Variants in FARS2 observed in about 807,000 individuals in gnomAD.
FARS2 encodes the protein phenylalanyl-tRNA synthetase 2, mitochondrial.
FARS2 carries 40 observed loss-of-function variants against 46.4 expected under a neutral mutation model. That is an observed-to-expected ratio of 0.86 (90% CI 0.67 to 1.12). The LOEUF (loss-of-function observed/expected upper bound fraction) is 1.12, where lower values mean the gene tolerates loss of function less well. Among genes scored for constraint, FARS2 ranks in the 50% most tolerant of loss-of-function variants. The probability of loss-of-function intolerance (pLI) is 0.00; values close to 1 mark genes in which losing one functional copy is unlikely to be tolerated. For missense variants in FARS2, 513 were observed against 567.9 expected (o/e 0.90, Z 0.98); for synonymous variants, 234 against 214.9 (o/e 1.09, Z -0.78).
chr6:5,714,983 C>T (rs1759406635), intron 6 of FARS2, among the ~76,000 whole-genome samples: 1 of 151,998 alleles, frequency 6.6e-6, no homozygotes, highest in Non-Finnish European at 1.5e-5. Flanking sequence ...GGAGATCGCG[C>T]CACTGCACTC....
chr6:5,441,183 A>G (rs561108644), intron 4 of FARS2, among the ~76,000 whole-genome samples: 1 of 152,218 alleles, frequency 6.6e-6, no homozygotes, highest in East Asian at 1.9e-4. Context: ...TGGCCTCCCA[A>G]AGTGTTGGGA....
chr6:5,743,129 G>A (rs550091152), intron 6 of FARS2, among the ~76,000 whole-genome samples: 45 of 152,186 alleles, frequency 3.0e-4, no homozygotes, highest in African/African-American at 1.0e-3. Context: ...AATCCCTCCC[G>A]GCTGTCATCT....
At chr6:5,662,357 A>G (rs1777889754) in intron 6 of FARS2, among the ~76,000 whole-genome samples, 2 of 152,234 alleles carry the variant, frequency 1.3e-5, no homozygotes, top group South Asian at 2.1e-4. Flanking sequence ...AATGTAATTT[A>G]TGAAATCCAA....
At chr6:5,605,048 T>G (rs1774752103) in intron 5 of FARS2, among the ~76,000 whole-genome samples, 1 of 152,120 alleles carries the variant, frequency 6.6e-6, no homozygotes, top group South Asian at 2.1e-4. Flanking sequence ...GGAAACAGAG[T>G]CATGTCGTGG....
chr6:5,590,900 T>G (rs1454294970), intron 5 of FARS2, among the ~76,000 whole-genome samples: 1 of 152,192 alleles, frequency 6.6e-6, no homozygotes, highest in Admixed American at 6.5e-5. Context: ...CATTGTAAGC[T>G]TAGAGTGAAA....
At chr6:5,345,514 C>T (rs1052261829) in intron 1 of FARS2, among the ~76,000 whole-genome samples, 5 of 152,302 alleles carry the variant, frequency 3.3e-5, no homozygotes, top group East Asian at 3.9e-4. Flanking sequence ...GTCTCCTTTA[C>T]GGGGCACTTT....
At chr6:5,752,359 T>C (rs1429564580) in intron 6 of FARS2, among the ~76,000 whole-genome samples, 7 of 152,202 alleles carry the variant, frequency 4.6e-5, no homozygotes, top group African/African-American at 1.7e-4. Context: ...CCTGTTCTTT[T>C]TAATCACAAA....
At chr6:5,532,087 A>G (rs965059237) in intron 4 of FARS2, among the ~76,000 whole-genome samples, 1 of 152,206 alleles carries the variant, frequency 6.6e-6, no homozygotes, top group South Asian at 2.1e-4. Context: ...AGAGAAATCT[A>G]CTGTTATGTG....
At position 5,423,981 on chromosome 6, in the gene FARS2, G is replaced by A. The variant is rs368257938; in HGVS notation, c.773-7060G>A. Reference sequence around the variant, plus strand: ...TGCCTCCTCTTCCTTATGACTGCCAGCCACATTTACTGAGTCCAGAAGACA... The same window carrying A: ...TGCCTCCTCTTCCTTATGACTGCCAACCACATTTACTGAGTCCAGAAGACA... On this transcript the variant is annotated intron_variant, in intron 3 of 6. Coordinates refer to ENST00000274680, the MANE Select transcript of FARS2 (RefSeq NM_006567.5). 2.6e-5 allele frequency among the ~76,000 whole-genome samples: 4 copies of A among 152,164 alleles called. No homozygotes were observed. The East Asian group carries it at 5.8e-4, about 22-fold the overall frequency.
intron 6 of FARS2, among the ~76,000 whole-genome samples, chr6:5,649,624 C>A (rs1777246711): frequency 6.6e-6 from 1 of 152,184 alleles, no homozygotes; most frequent in African/African-American, 2.4e-5. Context: ...AAACTGATGG[C>A]AACTCAATAA....
intron 4 of FARS2, among the ~76,000 whole-genome samples, chr6:5,438,926 T>C (rs1468525524): frequency 6.6e-6 from 1 of 152,208 alleles, no homozygotes; most frequent in Admixed American, 6.5e-5. Context: ...TTGTTAAGAA[T>C]TGGTGATATT....
intron 1 of FARS2, among the ~76,000 whole-genome samples, chr6:5,274,268 G>A (rs1249633594): frequency 1.3e-5 from 2 of 152,148 alleles, no homozygotes; most frequent in East Asian, 3.8e-4. Flanking sequence ...TTGTTTGGGT[G>A]GCCATGTGCC....
intron 4 of FARS2, among the ~76,000 whole-genome samples, chr6:5,519,789 T>C (rs1253937478): frequency 2.6e-5 from 4 of 152,192 alleles, no homozygotes; most frequent in African/African-American, 9.7e-5. Context: ...GTAGATACCA[T>C]CATGATGTTG....
chr6:5,673,927 G>A (rs1778615947), intron 6 of FARS2, among the ~76,000 whole-genome samples: 1 of 152,016 alleles, frequency 6.6e-6, no homozygotes, highest in Admixed American at 6.6e-5. Flanking sequence ...TGGATGGTAG[G>A]TTTATGGAAT....
intron 5 of FARS2, among the ~76,000 whole-genome samples, chr6:5,547,156 T>G (rs1771080583): frequency 6.6e-6 from 1 of 152,078 alleles, no homozygotes; most frequent in African/African-American, 2.4e-5. Context: ...TTCACCATGT[T>G]GGCCAGGCTG....
At position 5,657,781 on chromosome 6, in the gene FARS2, C is replaced by T. The variant is rs577774073; in HGVS notation, c.1217+44461C>T. Among the ~76,000 whole-genome samples, 152 of 152,234 alleles carry T rather than the reference C, an allele frequency of 1.0e-3. 2 individuals carry two copies. The South Asian group carries it at 0.015, about 15-fold the overall frequency. On this transcript the variant is annotated intron_variant, in intron 6 of 6. Transcript: ENST00000274680. ...ACTCTCAGTTTCCAGTAAAACTTTC[C>T]GTTATGGTCAGTAGTTTATAAAGGA...
intron 5 of FARS2, among the ~76,000 whole-genome samples, chr6:5,559,337 G>A (rs956739516): frequency 1.3e-5 from 2 of 152,092 alleles, no homozygotes; most frequent in African/African-American, 4.8e-5. Flanking sequence ...CGGGGAGGTC[G>A]AGGCTGCAGT....
At chr6:5,730,538 G>C (rs915555416) in intron 6 of FARS2, among the ~76,000 whole-genome samples, 1 of 151,696 alleles carries the variant, frequency 6.6e-6, no homozygotes. Context: ...TTTACAACTA[G>C]AACTGTTTTT....
At chr6:5,571,998 A>T (rs975072990) in intron 5 of FARS2, among the ~76,000 whole-genome samples, 9 of 152,076 alleles carry the variant, frequency 5.9e-5, no homozygotes, top group Admixed American at 5.9e-4. Flanking sequence ...CTGCCAGCCT[A>T]GTTAGTCAGG....
Sources: allele counts gnomAD v4.1 joint callset (sites outside exome capture counted in the v4.1 genomes callset), GRCh38; gene constraint gnomAD v4.1.1; transcripts MANE v1.5; gene names NCBI Gene and HGNC (gene_info 2026-07-23, HGNC 2026-07-21).